Variants in AGPAT5 observed in about 807,000 individuals in gnomAD.
AGPAT5 encodes 1-acyl-sn-glycerol-3-phosphate acyltransferase epsilon.
A neutral mutation model predicts 45.6 loss-of-function variants in AGPAT5; 46 were observed. The observed-to-expected ratio is 1.01, with a 90% confidence interval of 0.80 to 1.29. The LOEUF (loss-of-function observed/expected upper bound fraction) is 1.29, where lower values mean the gene tolerates loss of function less well. AGPAT5 is among the 50% of genes most tolerant of loss of function. The pLI is 0.00. For missense variants in AGPAT5, 673 were observed against 450.7 expected (o/e 1.49, Z -4.47); for synonymous variants, 272 against 167.0 (o/e 1.63, Z -4.85).
chr8:6,719,070 GT>G (rs1351999970), intron 1 of AGPAT5, among the ~76,000 whole-genome samples: 1 of 152,178 alleles, frequency 6.6e-6, no homozygotes, highest in African/African-American at 2.4e-5. Context: ...AGTGCAAACA[GT>G]TTTTTATTCA....
chr8:6,712,024 G>C (rs1163862880), intron 1 of AGPAT5, among the ~76,000 whole-genome samples: 1 of 152,120 alleles, frequency 6.6e-6, no homozygotes, highest in Admixed American at 6.5e-5. Context: ...TTTTTTGAGG[G>C]GCTGCCCTTC....
rs1280648367 is a variant in AGPAT5 at position 6,760,284 on chromosome 8, G to T, written c.*2896G>T. Among the ~76,000 whole-genome samples the T allele has an allele frequency of 6.6e-6, 1 of 152,116 alleles. No individual in the cohort carries two copies. The highest frequency in any genetic ancestry group is 1.5e-5 in the Non-Finnish European group (1 of 68,022). ...GGCGTACACTGAGTAGTTTGTCCCA[G>T]CTACTCGGGAGGGTGAGGTGGGAGG... On this transcript the variant is annotated 3_prime_UTR_variant, in exon 8 of 8. Transcript: ENST00000285518.
chr8:6,730,316 G>T (rs13261314), intron 2 of AGPAT5, among the ~76,000 whole-genome samples: 39,394 of 39,434 alleles, frequency 1, 19,677 homozygotes, highest in Middle Eastern at 1. Flanking sequence ...CTAATCATAG[G>T]ACTTTTTTTT....
chr8:6,710,949 G>A (rs1357916603), intron 1 of AGPAT5, among the ~76,000 whole-genome samples: 1 of 152,002 alleles, frequency 6.6e-6, no homozygotes, highest in Non-Finnish European at 1.5e-5. Context: ...GCTTTCGTTT[G>A]CAAGGCTAGT....
At chr8:6,749,597 A>T (rs116108810) in intron 6 of AGPAT5, among the ~76,000 whole-genome samples, 1 of 152,262 alleles carries the variant, frequency 6.6e-6, no homozygotes, top group African/African-American at 2.4e-5. Flanking sequence ...AAATTTAAGT[A>T]TATCTTCTTA....
At chr8:6,723,677 T>G (rs1800584125) in intron 1 of AGPAT5, among the ~76,000 whole-genome samples, 2 of 152,230 alleles carry the variant, frequency 1.3e-5, no homozygotes, top group Admixed American at 1.3e-4. Context: ...CGATAAACTT[T>G]ATGAATAAAA....
chr8:6,761,497 T>C lies in AGPAT5; in HGVS notation c.*4109T>C, dbSNP rs1802042471. Among the ~76,000 whole-genome samples the C allele has an allele frequency of 6.6e-6, 1 of 152,228 alleles. No individual in the cohort carries two copies. Among genetic ancestry groups the C allele is most frequent in the African/African-American group, 2.4e-5 (1 of 41,464 alleles). Reference sequence around the variant, plus strand: ...TCAGCAATAAAGGAAAATATGCATCTCAAAAATTGGTGATAAAAAGTTATT... The same window carrying C: ...TCAGCAATAAAGGAAAATATGCATCCCAAAAATTGGTGATAAAAAGTTATT... On this transcript the variant is annotated 3_prime_UTR_variant, in exon 8 of 8. Transcript: ENST00000285518.
chr8:6,718,420 C>G (rs1385085876), intron 1 of AGPAT5, among the ~76,000 whole-genome samples: 1 of 152,198 alleles, frequency 6.6e-6, no homozygotes, highest in Non-Finnish European at 1.5e-5. Context: ...CAATTTCCTG[C>G]TGGCAGAACC....
intron 1 of AGPAT5, among the ~76,000 whole-genome samples, chr8:6,713,870 C>G (rs964202151): frequency 1.3e-5 from 2 of 152,200 alleles, no homozygotes. Context: ...TTCCAAGTTT[C>G]TCAGAAACAG....
At chr8:6,717,137 T>G (rs1800359402) in intron 1 of AGPAT5, among the ~76,000 whole-genome samples, 1 of 152,210 alleles carries the variant, frequency 6.6e-6, no homozygotes, top group Admixed American at 6.5e-5. Flanking sequence ...CAGAGAAACC[T>G]TGGTTTAGTT....
chr8:6,723,945 A>G (rs952022792), intron 1 of AGPAT5, among the ~76,000 whole-genome samples: 1 of 152,224 alleles, frequency 6.6e-6, no homozygotes, highest in African/African-American at 2.4e-5. Context: ...ATCTTGCATA[A>G]TCCATGATGA....
chr8:6,759,116 T>A lies in AGPAT5; in HGVS notation c.*1728T>A, dbSNP rs531287472. 1 of 152,214 alleles carries A rather than the reference T, an allele frequency of 6.6e-6. No individual in the cohort carries two copies. The allele number at this position is 152,214 out of a possible 1,614,324, so 9.4% of individuals were successfully genotyped here. A position where few individuals can be genotyped will look rare whatever the true frequency, so the allele number is the denominator to read the frequency against. Reference sequence around the variant, plus strand: ...ATAATCGGGGCATGGGTAAAACTTATGAAAATTTCCTCATGCTGAATTGTA... The same window carrying A: ...ATAATCGGGGCATGGGTAAAACTTAAGAAAATTTCCTCATGCTGAATTGTA... On this transcript the variant is annotated 3_prime_UTR_variant, in exon 8 of 8. Transcript: ENST00000285518.
chr8:6,735,151 A>G (rs1801005209), intron 4 of AGPAT5, among the ~76,000 whole-genome samples: 2 of 152,062 alleles, frequency 1.3e-5, no homozygotes, highest in South Asian at 4.2e-4. Flanking sequence ...GCCTTTACTA[A>G]GAGTTTTTCC....
intron 4 of AGPAT5, among the ~76,000 whole-genome samples, chr8:6,736,578 G>T (rs1344853623): frequency 6.6e-6 from 1 of 152,166 alleles, no homozygotes; most frequent in African/African-American, 2.4e-5. Context: ...ATCTTCCTTT[G>T]CTGCTGGCTG....
intron 6 of AGPAT5, among the ~76,000 whole-genome samples, chr8:6,749,613 C>T (rs944906913): frequency 6.6e-6 from 1 of 152,152 alleles, no homozygotes; most frequent in African/African-American, 2.4e-5. Context: ...TCTTATTCTA[C>T]CATCCCTCCC....
chr8:6,744,808 G>A lies in AGPAT5; in HGVS notation c.587-2862G>A, dbSNP rs374532432. Among the ~76,000 whole-genome samples, 394 of 152,266 alleles carry A rather than the reference G, an allele frequency of 2.6e-3. 11 individuals carry two copies. In the South Asian group the frequency reaches 0.058, roughly 22 times the overall value. On this transcript the variant is annotated intron_variant, in intron 5 of 7. Coordinates refer to ENST00000285518, the MANE Select transcript of AGPAT5 (RefSeq NM_018361.5). Reference sequence around the variant, plus strand: ...TGCAGCTCTTGTCTGCCCCAGCCCCGGGGTCTGCCCATCCCAGTGCTGGGC... The same window carrying A: ...TGCAGCTCTTGTCTGCCCCAGCCCCAGGGTCTGCCCATCCCAGTGCTGGGC...
intron 1 of AGPAT5, among the ~76,000 whole-genome samples, chr8:6,710,128 TA>T (rs58808781): frequency 1.3e-5 from 2 of 152,158 alleles, no homozygotes; most frequent in Non-Finnish European, 2.9e-5. Context: ...ATTCACCTCT[TA>T]AAAAAATAAT....
At chr8:6,735,565 G>T (rs1224750432) in intron 4 of AGPAT5, among the ~76,000 whole-genome samples, 4 of 152,170 alleles carry the variant, frequency 2.6e-5, no homozygotes, top group Non-Finnish European at 5.9e-5. Context: ...ACAACCACTT[G>T]CATCTTGTTT....
rs150911448 is a variant in AGPAT5, at chr8:6,717,312, A to G, written c.220-7558A>G. On this transcript the variant is annotated intron_variant, in intron 1 of 7. Transcript: ENST00000285518. ...TTATTTGTGTATAAGTGTAAGTAAT[A>G]TTTGGAAGACGACTTTACTGCGCTC... 1.6e-4 allele frequency among the ~76,000 whole-genome samples: 24 copies of G among 152,278 alleles called. No individual in the cohort carries two copies. In the East Asian group the frequency reaches 4.2e-3, roughly 27 times the overall value.
Sources: gnomAD v4.1 joint callset for allele counts (sites outside exome capture counted in the v4.1 genomes callset) on GRCh38, gnomAD v4.1.1 for gene constraint, MANE v1.5 for transcripts, NCBI Gene and HGNC (gene_info 2026-07-23, HGNC 2026-07-21) for gene names.